Variants in ATIC observed in about 807,000 individuals in gnomAD.
ATIC encodes bifunctional purine biosynthesis protein ATIC.
ATIC carries 64 observed loss-of-function variants against 72.5 expected under a neutral mutation model. The observed-to-expected ratio is 0.88, with a 90% CI of 0.72 to 1.09. ATIC has a LOEUF of 1.09. ATIC is among the 50% of genes least tolerant of loss of function. The probability of loss-of-function intolerance (pLI) is 0.00; values close to 1 mark genes in which losing one functional copy is unlikely to be tolerated. For missense variants in ATIC, 787 were observed against 732.4 expected, an observed-to-expected ratio of 1.07 and a Z score of -0.86; for synonymous variants, 281 against 267.1, an observed-to-expected ratio of 1.05 and a Z score of -0.51.
intron 10 of ATIC, 97 bp downstream of exon 10, chr2:215,335,101 TA>T: frequency 1.6e-6 from 1 of 609,218 alleles, no homozygotes; most frequent in Non-Finnish European, 2.6e-6. Context: ...TTTATATTTA[TA>T]ATATCTTTTA....
In ATIC at chr2:215,326,834, A is replaced by T. The variant is rs1482472116; in HGVS notation, c.544A>T (p.Thr182Ser). The T allele has an allele frequency of 6.2e-7, 1 of 1,613,926 alleles. No individual in the cohort carries two copies. The highest frequency in any genetic ancestry group is 1.3e-5 in the African/African-American group (1 of 74,860). ...RQLALKAFTHTAQYDEAISDY... is the reference protein window; with the variant it reads ...RQLALKAFTHSAQYDEAISDY... ...ACGCTTTTTGTAGGCATTCACTCAT[A>T]CGGCACAATATGATGAAGCAATTTC... Residue 182 changes from threonine (T) to serine (S), a missense_variant, in exon 7 of 16, where the codon ACG (threonine) becomes TCG (serine). Coordinates refer to ENST00000236959, the MANE Select transcript of ATIC (RefSeq NM_004044.7).
Position 215,334,340 on chromosome 2 carries a change from C to T in ATIC, c.923-579C>T, listed in dbSNP as rs1040372595. ...TCCTGAGTAGCTGGGATTACAGGTG[C>T]GTGCCACCACACCTGGCTAATTTTT... On this transcript the variant is annotated intron_variant, in intron 9 of 15. Transcript: ENST00000236959. Among the ~76,000 whole-genome samples the T allele has an allele frequency of 5.9e-5, 9 of 151,598 alleles. No homozygotes were observed. The East Asian group carries it at 7.9e-4, about 13-fold the overall frequency.
the ATIC span, among the ~76,000 whole-genome samples, chr2:215,358,286 CTGAT>C: frequency 6.6e-6 from 1 of 152,068 alleles, no homozygotes; most frequent in East Asian, 1.9e-4. Flanking sequence ...TTTTTAAAGT[CTGAT>C]TAACATTTAC....
chr2:215,348,912 C>A (rs967861840), intron 14 of ATIC, 182 bp from the exon 15 acceptor site: 7 of 408,314 alleles, frequency 1.7e-5, no homozygotes, highest in Admixed American at 8.7e-5. Context: ...GAGCCGAGAT[C>A]GCACCACTGC....
intron 12 of ATIC, among the ~76,000 whole-genome samples, chr2:215,342,165 G>GT (rs1433918093): frequency 2.6e-5 from 4 of 152,080 alleles, no homozygotes; most frequent in South Asian, 2.1e-4. Context: ...CAGCCAAACC[G>GT]TATCACCAAG....
downstream of ATIC, among the ~76,000 whole-genome samples, chr2:215,350,744 T>G (rs2053124154): frequency 6.6e-6 from 1 of 152,156 alleles, no homozygotes; most frequent in Non-Finnish European, 1.5e-5. Context: ...GGCAGTGCCT[T>G]CCTTCATCAG....
intron 14 of ATIC, 35 bp from the exon 15 acceptor site, chr2:215,349,059 A>C (rs748513585): frequency 1.4e-5 from 23 of 1,613,336 alleles, no homozygotes; most frequent in Non-Finnish European, 1.9e-5. Flanking sequence ...AGACGATGTC[A>C]GACCAAGCTT....
At chr2:215,339,887 C>T (rs1216933847) in intron 12 of ATIC, among the ~76,000 whole-genome samples, 1 of 152,160 alleles carries the variant, frequency 6.6e-6, no homozygotes, top group Non-Finnish European at 1.5e-5. Flanking sequence ...CTGCCCACCT[C>T]AGCCTCCCAA....
chr2:215,333,864 A>G (rs1362270396), intron 9 of ATIC, among the ~76,000 whole-genome samples: 1 of 151,824 alleles, frequency 6.6e-6, no homozygotes, highest in African/African-American at 2.4e-5. Flanking sequence ...AACACGGTGA[A>G]ACCCCGTCTC....
chr2:215,349,649 C>T lies in ATIC; in HGVS notation c.1773C>T (p.His591=), dbSNP rs140797205. ...CTCATACGAACCTTCGGCTCTTCCA[C>T]CACTGATTTTACCACACACTGTTTT... ...ILAHTNLRLF[H]H Residue 591 remains histidine, a synonymous_variant, in exon 16 of 16, where the codon CAC becomes CAT. Coordinates refer to ENST00000236959, the MANE Select transcript of ATIC (RefSeq NM_004044.7). 3.1e-6 allele frequency: 5 copies of T among 1,614,030 alleles called. No individual in the cohort carries two copies. In the African/African-American group the frequency reaches 6.7e-5, roughly 22 times the overall value.
At chr2:215,331,176 T>G (rs1223741298) in intron 7 of ATIC, among the ~76,000 whole-genome samples, 1 of 152,098 alleles carries the variant, frequency 6.6e-6, no homozygotes, top group Non-Finnish European at 1.5e-5. Context: ...TATTGCCTAT[T>G]TTTTATTTGC....
chr2:215,359,361 C>T, the ATIC span, among the ~76,000 whole-genome samples: 2 of 152,138 alleles, frequency 1.3e-5, no homozygotes, highest in Non-Finnish European at 2.9e-5. Flanking sequence ...GAAGCATCAG[C>T]TTACTTTTTG....
chr2:215,322,295 C>A (rs2052776405), intron 4 of ATIC, among the ~76,000 whole-genome samples: 1 of 151,070 alleles, frequency 6.6e-6, no homozygotes, highest in Non-Finnish European at 1.5e-5. Flanking sequence ...TTGCCTAATC[C>A]TCAGTGATGA....
At chr2:215,337,753 A>G (rs1366884459) in intron 11 of ATIC, among the ~76,000 whole-genome samples, 2 of 152,184 alleles carry the variant, frequency 1.3e-5, no homozygotes, top group Non-Finnish European at 2.9e-5. Context: ...TTGTAGCATC[A>G]TGGAAAATAT....
chr2:215,349,961 G>A (rs2053117353), downstream of ATIC, among the ~76,000 whole-genome samples: 1 of 152,108 alleles, frequency 6.6e-6, no homozygotes. Flanking sequence ...CATGGCACAA[G>A]TCACTGTGTA....
At chr2:215,356,718 G>C in the ATIC span, among the ~76,000 whole-genome samples, 1 of 152,126 alleles carries the variant, frequency 6.6e-6, no homozygotes, top group Admixed American at 6.5e-5. Context: ...GTGCTCTTTC[G>C]TGTCTGGCTT....
At position 215,349,149 on chromosome 2, in the gene ATIC, C is replaced by T. The variant is rs1315013464; in HGVS notation, c.1559C>T (p.Thr520Ile). The T allele has an allele frequency of 3.1e-6, 5 of 1,613,892 alleles. No homozygotes were observed. The African/African-American group carries it at 5.3e-5, about 17-fold the overall frequency. ...TTTGAGGAAGTCCCTGAGTTACTCA[C>T]TGAGGCAGAGAAGAAGGAATGGGTT... The part of the protein sequence containing the change: ...ALFEEVPELL[T>I]EAEKKEWVEK... The change falls in exon 15 of 16, where the codon ACT (threonine) becomes ATT (isoleucine). Residue 520 changes from threonine to isoleucine, a missense_variant. Physicochemically the swap from Thr to Ile is moderately conservative, Grantham distance 89. Transcript: ENST00000236959.
chr2:215,365,451 T>A, the ATIC span: 1 of 1,577,716 alleles, frequency 6.3e-7, no homozygotes, highest in Non-Finnish European at 8.7e-7. Flanking sequence ...TACAGCCTGA[T>A]AATGAAAGTG....
At chr2:215,339,714 A>G (rs112886589) in intron 12 of ATIC, among the ~76,000 whole-genome samples, 56 of 151,764 alleles carry the variant, frequency 3.7e-4, no homozygotes, top group African/African-American at 1.3e-3. Context: ...GGGTCACTGC[A>G]AGCTCCGCCT....
Sources: allele counts gnomAD v4.1 joint callset (sites outside exome capture counted in the v4.1 genomes callset), GRCh38; gene constraint gnomAD v4.1.1; transcripts MANE v1.5; gene names NCBI Gene and HGNC (gene_info 2026-07-23, HGNC 2026-07-21).